The following LRFN2 variants were observed in gnomAD, a reference collection of about 807,000 sequenced individuals.
The protein encoded by LRFN2 is leucine rich repeat and fibronectin type III domain containing 2, also known as leucine-rich repeat and fibronectin type-III domain-containing protein 2.
In LRFN2, 18 loss-of-function variants were observed where a neutral mutation model predicts 37.3. The ratio of observed to expected loss-of-function variants is 0.48; its 90% CI spans 0.33 to 0.72. The LOEUF (loss-of-function observed/expected upper bound fraction) is 0.72, where lower values mean the gene tolerates loss of function less well. LRFN2 is among the 30% of genes least tolerant of loss of function. LRFN2 has a pLI of 0.02. For missense variants in LRFN2, 1,006 were observed against 1,060.7 expected (o/e 0.95, Z 0.72); for synonymous variants, 556 against 466.6 (o/e 1.19, Z -2.47).
intron 1 of LRFN2, among the ~76,000 whole-genome samples, chr6:40,498,332 G>A (rs1765283733): frequency 1.3e-5 from 2 of 152,242 alleles, no homozygotes; most frequent in South Asian, 4.1e-4. Context: ...CTGCATTCAT[G>A]GCTGAAGGGG....
chr6:40,538,728 A>G (rs530066937), intron 1 of LRFN2, among the ~76,000 whole-genome samples: 3 of 152,308 alleles, frequency 2.0e-5, no homozygotes, highest in African/African-American at 7.2e-5. Flanking sequence ...CTCTCAGCGC[A>G]GCCCCTCTCC....
intron 1 of LRFN2, among the ~76,000 whole-genome samples, chr6:40,538,468 T>C (rs751563064): frequency 2.0e-5 from 3 of 152,210 alleles, no homozygotes; most frequent in Non-Finnish European, 4.4e-5. Flanking sequence ...CCAATTACAC[T>C]GAGAGACTGG....
chr6:40,458,661 G>A (rs1433730), intron 1 of LRFN2, among the ~76,000 whole-genome samples: 19,113 of 152,256 alleles, frequency 0.13, 1,384 homozygotes, highest in Admixed American at 0.21. Context: ...TCCTAGAATG[G>A]CAATGTGACC....
intron 1 of LRFN2, among the ~76,000 whole-genome samples, chr6:40,456,076 G>C (rs1561863279): frequency 1.3e-5 from 2 of 152,156 alleles, no homozygotes; most frequent in Non-Finnish European, 2.9e-5. Context: ...GCCTGCAAGA[G>C]AGAAGGGGCC....
chr6:40,453,820 T>A (rs1411825542), intron 1 of LRFN2, among the ~76,000 whole-genome samples: 1 of 152,172 alleles, frequency 6.6e-6, no homozygotes, highest in East Asian at 1.9e-4. Context: ...AACAAACTAA[T>A]TTCAAGGCTC....
chr6:40,441,372 G>A (rs1385116157), intron 1 of LRFN2, among the ~76,000 whole-genome samples: 3 of 152,152 alleles, frequency 2.0e-5, no homozygotes, highest in Non-Finnish European at 4.4e-5. Flanking sequence ...GTGTGACAGC[G>A]CTCCTGAGGG....
chr6:40,505,068 T>C (rs1265809123), intron 1 of LRFN2, among the ~76,000 whole-genome samples: 1 of 152,218 alleles, frequency 6.6e-6, no homozygotes, highest in Admixed American at 6.5e-5. Context: ...GAGGGGACAG[T>C]TGCCCGTGGC....
chr6:40,561,900 T>TC (rs1048208854), intron 1 of LRFN2, among the ~76,000 whole-genome samples: 1 of 151,768 alleles, frequency 6.6e-6, no homozygotes, highest in African/African-American at 2.4e-5. Context: ...CCTAGGCATC[T>TC]CCCCCTCCAC....
At chr6:40,534,755 C>T (rs751231208) in intron 1 of LRFN2, among the ~76,000 whole-genome samples, 2 of 152,194 alleles carry the variant, frequency 1.3e-5, no homozygotes, top group African/African-American at 2.4e-5. Flanking sequence ...TCTCTGGGCC[C>T]AGTCTTTGGG....
intron 1 of LRFN2, among the ~76,000 whole-genome samples, chr6:40,577,387 C>T (rs2113798075): frequency 6.6e-6 from 1 of 152,128 alleles, no homozygotes; most frequent in East Asian, 1.9e-4. Flanking sequence ...CAGGCATGAG[C>T]CACTGCACCA....
intron 1 of LRFN2, among the ~76,000 whole-genome samples, chr6:40,487,652 T>G (rs1349017927): frequency 6.6e-6 from 1 of 152,200 alleles, no homozygotes; most frequent in Non-Finnish European, 1.5e-5. Flanking sequence ...ACTGTGAAAC[T>G]GATGGGGGAA....
At chr6:40,511,721 A>G (rs943805714) in intron 1 of LRFN2, among the ~76,000 whole-genome samples, 2 of 152,182 alleles carry the variant, frequency 1.3e-5, no homozygotes, top group African/African-American at 4.8e-5. Context: ...GACAGTGAGA[A>G]CCAGGTGTGG....
intron 1 of LRFN2, among the ~76,000 whole-genome samples, chr6:40,468,047 C>T (rs1764511687): frequency 2.0e-5 from 3 of 151,884 alleles, no homozygotes; most frequent in Non-Finnish European, 2.9e-5. Flanking sequence ...GATGAACAGG[C>T]CCTATTCACC....
intron 2 of LRFN2, among the ~76,000 whole-genome samples, chr6:40,394,836 T>A (rs553530806): frequency 3.3e-5 from 5 of 152,324 alleles, no homozygotes; most frequent in African/African-American, 1.2e-4. Flanking sequence ...GGAGTTTCCC[T>A]GCACAAGCTC....
At chr6:40,422,835 C>T (rs1427414772) in intron 2 of LRFN2, among the ~76,000 whole-genome samples, 1 of 152,160 alleles carries the variant, frequency 6.6e-6, no homozygotes, top group Non-Finnish European at 1.5e-5. Context: ...GACTGGTTCT[C>T]TTGTTATCTC....
chr6:40,514,587 T>C (rs1765806573), intron 1 of LRFN2, among the ~76,000 whole-genome samples: 1 of 152,184 alleles, frequency 6.6e-6, no homozygotes, highest in South Asian at 2.1e-4. Flanking sequence ...AGTGCTGAGA[T>C]TACAGGTGTG....
chr6:40,404,278 GT>G (rs550381563), intron 2 of LRFN2, among the ~76,000 whole-genome samples: 2 of 151,750 alleles, frequency 1.3e-5, no homozygotes, highest in East Asian at 3.9e-4. Flanking sequence ...TGTTTGGGTT[GT>G]TTTTTTGTTT....
At chr6:40,491,201 C>G (rs769255803) in intron 1 of LRFN2, among the ~76,000 whole-genome samples, 51 of 152,234 alleles carry the variant, frequency 3.4e-4, no homozygotes, top group Non-Finnish European at 4.7e-4. Context: ...CACCTGTTCT[C>G]TGGGGCCTGG....
At position 40,521,263 on chromosome 6, in the gene LRFN2, G is replaced by T. The variant is rs115625998; in HGVS notation, c.-19+65678C>A. ...GCCAGCAGCAAGGCACTCTTGAGGT[G>T]CCCTGAAGGCATGGGGATTGGAGTG... On this transcript the variant is annotated intron_variant, in intron 1 of 2. Coordinates refer to ENST00000338305, the MANE Select transcript of LRFN2 (RefSeq NM_020737.3). 6.7e-3 allele frequency among the ~76,000 whole-genome samples: 1,027 copies of T among 152,272 alleles called. 10 individuals are homozygous for T. The highest frequency in any genetic ancestry group is 8.8e-3 in the Non-Finnish European group (600 of 68,018).
Sources: gnomAD v4.1 joint callset for allele counts (sites outside exome capture counted in the v4.1 genomes callset) on GRCh38, gnomAD v4.1.1 for gene constraint, MANE v1.5 for transcripts, NCBI Gene and HGNC (gene_info 2026-07-23, HGNC 2026-07-21) for gene names.